Variants in CYP20A1 observed in about 807,000 individuals in gnomAD.
CYP20A1 encodes the protein cytochrome P450 family 20 subfamily A member 1, also known as cytochrome P450 20A1.
Under a neutral mutation model 61.4 loss-of-function variants are expected in CYP20A1, and 61 were observed. The observed-to-expected ratio is 0.99, with a 90% CI of 0.81 to 1.23. The LOEUF is 1.23. Among genes scored for constraint, CYP20A1 ranks in the 50% most tolerant of loss-of-function variants. The pLI, the probability that CYP20A1 is intolerant of heterozygous loss-of-function variation, is 0.00. For missense variants in CYP20A1, 530 were observed against 542.4 expected (o/e 0.98, Z 0.23); for synonymous variants, 193 against 188.2 (o/e 1.03, Z -0.21).
At position 203,298,909 on chromosome 2, in the gene CYP20A1, C is replaced by T. The variant is rs1408931157; in HGVS notation, c.*2001C>T. Among the ~76,000 whole-genome samples the T allele has an allele frequency of 6.8e-6, 1 of 148,006 alleles. No individual in the cohort carries two copies. Among genetic ancestry groups the T allele is most frequent in the Non-Finnish European group, 1.5e-5 (1 of 66,894 alleles). On this transcript the variant is annotated 3_prime_UTR_variant, in exon 13 of 13. Transcript: ENST00000356079. ...AATTATCTGGACATGCTGGCGTGCGCCTGTAGTCTCAGCTACTTGGGAGGC... is the reference window on the plus strand; with the variant it reads ...AATTATCTGGACATGCTGGCGTGCGTCTGTAGTCTCAGCTACTTGGGAGGC...
chr2:203,278,254 A>G (rs540951999), intron 6 of CYP20A1, among the ~76,000 whole-genome samples: 9 of 152,370 alleles, frequency 5.9e-5, no homozygotes, highest in African/African-American at 1.7e-4. Flanking sequence ...AGCCTGGGCA[A>G]CAGAGCAAGA....
At chr2:203,257,498 A>AT (rs1027757657) in intron 4 of CYP20A1, among the ~76,000 whole-genome samples, 4 of 150,416 alleles carry the variant, frequency 2.7e-5, no homozygotes, top group African/African-American at 7.3e-5. Context: ...CCATTAAAAA[A>AT]TTTTTTTTTT....
Position 203,303,224 on chromosome 2 carries a change from T to C in CYP20A1, c.*6316T>C. 6.6e-6 allele frequency among the ~76,000 whole-genome samples: 1 copy of C among 151,450 alleles called. No homozygotes were observed. The highest frequency in any genetic ancestry group is 2.0e-4 in the East Asian group (1 of 5,074). ...TTCACCATGTTGGCCAGGCTGGTCT[T>C]GAACTCCTAACCTCAGGTGATTCAC... is the stretch of plus-strand genomic sequence containing the variant. On this transcript the variant is annotated 3_prime_UTR_variant, in exon 13 of 13. Coordinates refer to ENST00000356079, the MANE Select transcript of CYP20A1 (RefSeq NM_177538.3).
chr2:203,255,956 T>G (rs1233576380), intron 4 of CYP20A1, among the ~76,000 whole-genome samples: 4 of 152,122 alleles, frequency 2.6e-5, no homozygotes, highest in Non-Finnish European at 5.9e-5. Flanking sequence ...ATAGGTCCCC[T>G]TTTATTTATT....
chr2:203,280,255 A>G, intron 8 of CYP20A1, 142 bp downstream of exon 8: 1 of 552,788 alleles, frequency 1.8e-6, no homozygotes, highest in Non-Finnish European at 3.0e-6. Context: ...AGCTCAGAAA[A>G]CAGAGACCCT....
rs2068882541 is a variant in CYP20A1, at chr2:203,298,053, TAACA to T, written c.*1149_*1152del. 1 of 152,502 alleles carries T rather than the reference TAACA, an allele frequency of 6.6e-6. No homozygotes were observed. Among genetic ancestry groups the T allele is most frequent in the South Asian group, 2.1e-4 (1 of 4,814 alleles). 9.4% of individuals were successfully genotyped at this position (152,502 alleles called of 1,614,324 possible). A position where few individuals can be genotyped will look rare whatever the true frequency, so the allele number is the denominator to read the frequency against. ...AACAGCTTTTATAGGATAGTATGGC[TAACA>T]AACTTTTAGAAAAGTGTTTAGTCTC... is the stretch of plus-strand genomic sequence containing the variant. On this transcript the variant is annotated 3_prime_UTR_variant, in exon 13 of 13. Transcript: ENST00000356079.
intron 4 of CYP20A1, among the ~76,000 whole-genome samples, chr2:203,261,857 G>T (rs982376519): frequency 2.6e-5 from 4 of 152,026 alleles, no homozygotes; most frequent in African/African-American, 9.7e-5. Flanking sequence ...GGTGGGGAAA[G>T]CTGTTCGTGG....
rs563767664 is a variant in CYP20A1 at position 203,251,833 on chromosome 2, AAAC to A, written c.290-131_290-129del. The A allele has an allele frequency of 5.4e-4, 118 of 219,718 alleles. 1 individual carries two copies. The highest frequency in any genetic ancestry group is 2.3e-3 in the African/African-American group (96 of 42,660). 13.6% of individuals were successfully genotyped at this position (219,718 alleles called of 1,614,324 possible). On this transcript the variant is annotated intron_variant, in intron 3 of 12. Transcript: ENST00000356079. ...TATATATATAAAAAATAAAAAATAA[AAAC>A]AAGGGAATTATGAAAAACAGTTGCC...
chr2:203,284,074 G>A (rs1192182626), intron 8 of CYP20A1, among the ~76,000 whole-genome samples: 1 of 152,150 alleles, frequency 6.6e-6, no homozygotes, highest in Non-Finnish European at 1.5e-5. Context: ...GTTAAGGACA[G>A]GCAGTCACTC....
At chr2:203,249,740 G>C (rs1210761596) in intron 3 of CYP20A1, among the ~76,000 whole-genome samples, 1 of 152,070 alleles carries the variant, frequency 6.6e-6, no homozygotes, top group Non-Finnish European at 1.5e-5. Context: ...AGCTACTGGA[G>C]AGGCTGAGGC....
intron 4 of CYP20A1, among the ~76,000 whole-genome samples, chr2:203,260,182 C>T (rs938412442): frequency 4.6e-5 from 7 of 151,732 alleles, no homozygotes; most frequent in Non-Finnish European, 1.0e-4. Context: ...ATGCCTTGGC[C>T]TCCCAAAGTG....
chr2:203,289,123 C>A (rs1443881208), intron 9 of CYP20A1, among the ~76,000 whole-genome samples: 1 of 151,928 alleles, frequency 6.6e-6, no homozygotes. Context: ...CATTCTTTTT[C>A]ATCTTTGTCA....
chr2:203,273,460 T>G (rs534900972), intron 6 of CYP20A1, among the ~76,000 whole-genome samples: 1 of 152,234 alleles, frequency 6.6e-6, no homozygotes, highest in South Asian at 2.1e-4. Context: ...GGTTCAACAT[T>G]ATAGGAATTA....
chr2:203,260,117 G>C (rs981329305), intron 4 of CYP20A1, among the ~76,000 whole-genome samples: 3 of 152,022 alleles, frequency 2.0e-5, no homozygotes, highest in South Asian at 2.1e-4. Flanking sequence ...AGTAGAGACA[G>C]GGTTTCACCA....
At chr2:203,253,045 C>T (rs897060945) in intron 4 of CYP20A1, among the ~76,000 whole-genome samples, 3 of 151,950 alleles carry the variant, frequency 2.0e-5, no homozygotes, top group East Asian at 3.9e-4. Context: ...ACTGTCTTAG[C>T]GAGCCACTCT....
Position 203,299,782 on chromosome 2 carries a change from G to A in CYP20A1, c.*2874G>A, listed in dbSNP as rs766144139. On this transcript the variant is annotated 3_prime_UTR_variant, in exon 13 of 13. Coordinates refer to ENST00000356079, the MANE Select transcript of CYP20A1 (RefSeq NM_177538.3). The stretch of plus-strand genomic sequence containing the variant: ...CCAGCTACTCGGGAGGCTGAAGCAG[G>A]AGAACTGCTTGAACCTGGGAGGCAG... 1.2e-4 allele frequency among the ~76,000 whole-genome samples: 18 copies of A among 152,026 alleles called. No individual in the cohort carries two copies. Among genetic ancestry groups the A allele is most frequent in the Non-Finnish European group, 2.4e-4 (16 of 68,028 alleles).
chr2:203,301,473 G>A lies in CYP20A1; in HGVS notation c.*4565G>A, dbSNP rs565152436. 2.4e-4 allele frequency among the ~76,000 whole-genome samples: 36 copies of A among 151,814 alleles called. No homozygotes were observed. The highest frequency in any genetic ancestry group is 8.3e-4 in the South Asian group (4 of 4,808). ...TTTTTTTGAGACAGGGTCTCCCTGC[G>A]TCGCCCAGTCTTGTCTCAAACTCCT... is the stretch of plus-strand genomic sequence containing the variant. On this transcript the variant is annotated 3_prime_UTR_variant, in exon 13 of 13. Transcript: ENST00000356079.
At chr2:203,286,689 A>C (rs1423473531) in intron 9 of CYP20A1, among the ~76,000 whole-genome samples, 1 of 152,206 alleles carries the variant, frequency 6.6e-6, no homozygotes, top group African/African-American at 2.4e-5. Flanking sequence ...ATGGGGATCA[A>C]CTACAAAGGG....
rs1455388441 is a variant in CYP20A1 at position 203,301,929 on chromosome 2, T to TG, written c.*5021_*5022insG. On this transcript the variant is annotated 3_prime_UTR_variant, in exon 13 of 13. Coordinates refer to ENST00000356079, the MANE Select transcript of CYP20A1 (RefSeq NM_177538.3). ...TGTTAAGATTCTTTTTTTTTTTTTT[T>TG]TTTTTTTGTTTTGAGACTGAGTCCC... Among the ~76,000 whole-genome samples the TG allele has an allele frequency of 4.8e-5, 7 of 145,464 alleles. No individual in the cohort carries two copies. Among genetic ancestry groups the TG allele is most frequent in the Admixed American group, 4.1e-4 (6 of 14,502 alleles).
Sources: allele counts gnomAD v4.1 joint callset (sites outside exome capture counted in the v4.1 genomes callset), GRCh38; gene constraint gnomAD v4.1.1; transcripts MANE v1.5; gene names NCBI Gene and HGNC (gene_info 2026-07-23, HGNC 2026-07-21).